Variants in INO80 observed in about 807,000 individuals in gnomAD.
The protein encoded by INO80 is INO80 complex ATPase subunit, also known as chromatin-remodeling ATPase INO80.
A neutral mutation model predicts 203.4 loss-of-function variants in INO80; 20 were observed. The ratio of observed to expected loss-of-function variants is 0.10; its 90% confidence interval spans 0.07 to 0.14. The LOEUF is 0.14. INO80 is among the 10% of genes least tolerant of loss of function. The probability of loss-of-function intolerance (pLI) is 1.00; values close to 1 mark genes in which losing one functional copy is unlikely to be tolerated. For missense variants in INO80, 1,419 were observed against 1,914.4 expected (o/e 0.74, Z 4.83); for synonymous variants, 726 against 685.2 (o/e 1.06, Z -0.93).
At chr15:41,021,405 T>C (rs1410959299) in intron 25 of INO80, among the ~76,000 whole-genome samples, 1 of 152,236 alleles carries the variant, frequency 6.6e-6, no homozygotes, top group Admixed American at 6.5e-5. Context: ...GCAATAACTC[T>C]ATTATATGCA....
chr15:41,055,897 T>C (rs773606978), intron 17 of INO80, among the ~76,000 whole-genome samples: 2 of 151,966 alleles, frequency 1.3e-5, no homozygotes, highest in Non-Finnish European at 2.9e-5. Context: ...CTCCAAACTC[T>C]ATAAAATATA....
chr15:41,023,235 A>G (rs763277061), intron 25 of INO80: 1 of 455,520 alleles, frequency 2.2e-6, no homozygotes, highest in Admixed American at 2.4e-5. Flanking sequence ...CAGGAATACA[A>G]AGCAGGTGGA....
chr15:41,108,997 T>C (rs1024118826), intron 1 of INO80: 1 of 162,058 alleles, frequency 6.2e-6, no homozygotes, highest in Non-Finnish European at 1.4e-5. Flanking sequence ...GTCAGGCTGT[T>C]GGATTCACTT....
At chr15:41,107,602 C>A (rs748255444) in intron 1 of INO80, among the ~76,000 whole-genome samples, 20 of 150,726 alleles carry the variant, frequency 1.3e-4, no homozygotes, top group Admixed American at 2.6e-4. Flanking sequence ...GAGTTCGAGG[C>A]CAGCCTGGCC....
chr15:41,073,394 CA>C, intron 11 of INO80, 33 bp downstream of exon 11: 1 of 1,570,804 alleles, frequency 6.4e-7, no homozygotes, highest in Non-Finnish European at 8.8e-7. Flanking sequence ...TTTCCAGGGC[CA>C]ATTACAGTAA....
rs778674958 is a variant in INO80, at chr15:41,093,212, G to A, written c.382-1030C>T. On this transcript the variant is annotated intron_variant, in intron 4 of 35. Coordinates refer to ENST00000648947, the MANE Select transcript of INO80 (RefSeq NM_017553.3). The stretch of plus-strand genomic sequence containing the variant: ...GAGGCTGAGGCGGGGGGATCACAAG[G>A]TCAGGAGTTTGAGAACAGCCTGGCT... 4.5e-4 allele frequency among the ~76,000 whole-genome samples: 69 copies of A among 151,684 alleles called. 2 individuals are homozygous for A. Among genetic ancestry groups the A allele is most frequent in the Non-Finnish European group, 1.5e-4 (10 of 67,882 alleles).
intron 24 of INO80, among the ~76,000 whole-genome samples, chr15:41,040,302 G>T (rs1167233537): frequency 6.6e-6 from 1 of 152,150 alleles, no homozygotes; most frequent in East Asian, 1.9e-4. Flanking sequence ...AAAGTCAGAG[G>T]ATCTGTGCAC....
chr15:41,024,912 G>A (rs1382606458), intron 25 of INO80, among the ~76,000 whole-genome samples: 1 of 152,176 alleles, frequency 6.6e-6, no homozygotes, highest in Non-Finnish European at 1.5e-5. Context: ...CTTATTCACT[G>A]ATCTGAATCC....
At chr15:41,097,042 T>C (rs777992786) in intron 1 of INO80, among the ~76,000 whole-genome samples, 11 of 122,544 alleles carry the variant, frequency 9.0e-5, no homozygotes, top group Non-Finnish European at 1.4e-4. Flanking sequence ...AGAGACACAA[T>C]CACACAATCA....
intron 1 of INO80, among the ~76,000 whole-genome samples, chr15:41,099,262 A>AC (rs2045770710): frequency 7.7e-6 from 1 of 129,632 alleles, no homozygotes; most frequent in African/African-American, 2.9e-5. Flanking sequence ...AAAAAAAAAA[A>AC]AAAAACAAAC....
intron 9 of INO80, among the ~76,000 whole-genome samples, chr15:41,079,169 G>A (rs929463290): frequency 6.6e-6 from 1 of 151,922 alleles, no homozygotes; most frequent in African/African-American, 2.4e-5. Flanking sequence ...CAGTACAGTA[G>A]GTGAAGGGTA....
chr15:41,048,346 T>A lies in INO80; in HGVS notation c.2577-70A>T, dbSNP rs2044804619. Reference sequence around the variant, plus strand: ...AATGGAAAGTTAACTAGACTAGAGGTTCCATAGCAAGTAAAACCTTTTAGT... The same window carrying A: ...AATGGAAAGTTAACTAGACTAGAGGATCCATAGCAAGTAAAACCTTTTAGT... On this transcript the variant is annotated intron_variant, in intron 21 of 35. Coordinates refer to ENST00000648947, the MANE Select transcript of INO80 (RefSeq NM_017553.3). 3 of 1,168,510 alleles carry A rather than the reference T, an allele frequency of 2.6e-6. No individual in the cohort carries two copies. In the East Asian group the frequency reaches 7.0e-5, roughly 27 times the overall value. 72.4% of individuals were successfully genotyped at this position (1,168,510 alleles called of 1,614,324 possible).
At chr15:41,073,321 GC>G in intron 11 of INO80, 106 bp downstream of exon 11, 1 of 941,596 alleles carries the variant, frequency 1.1e-6, no homozygotes, top group Non-Finnish European at 1.7e-6. Context: ...GCTAGTCTAT[GC>G]TTTTAATTGC....
At chr15:40,988,147 G>T (rs2043764995) in intron 29 of INO80, among the ~76,000 whole-genome samples, 173 bp from the exon 30 acceptor site, 1 of 152,128 alleles carries the variant, frequency 6.6e-6, no homozygotes, top group South Asian at 2.1e-4. Context: ...TCCTTCACAT[G>T]CCCTGAGCAA....
chr15:41,009,589 G>A (rs968475741), intron 27 of INO80, among the ~76,000 whole-genome samples: 17 of 151,746 alleles, frequency 1.1e-4, no homozygotes, highest in African/African-American at 3.9e-4. Flanking sequence ...TGACATATGC[G>A]TTTTGGTTTT....
chr15:41,049,689 C>T (rs758434961), intron 20 of INO80, among the ~76,000 whole-genome samples: 1 of 152,150 alleles, frequency 6.6e-6, no homozygotes, highest in South Asian at 2.1e-4. Flanking sequence ...AGTTTGAGAG[C>T]AGCCTGACCA....
intron 1 of INO80, among the ~76,000 whole-genome samples, chr15:41,105,221 G>C (rs1461457533): frequency 6.6e-6 from 1 of 152,098 alleles, no homozygotes; most frequent in Admixed American, 6.6e-5. Flanking sequence ...ATCAAACCAG[G>C]TGGTTGATAA....
chr15:41,044,772 G>T, intron 24 of INO80, 132 bp downstream of exon 24: 1 of 671,376 alleles, frequency 1.5e-6, no homozygotes, highest in Non-Finnish European at 2.5e-6. Flanking sequence ...AACTCAATAT[G>T]CTGCACCGCC....
In INO80 at chr15:41,079,815, G is replaced by A. The variant is rs199604682; in HGVS notation, c.1017C>T (p.Leu339=). The change falls in exon 9 of 36, where the codon CTC becomes CTT. Residue 339 remains leucine (L), a synonymous_variant. Coordinates refer to ENST00000648947, the MANE Select transcript of INO80 (RefSeq NM_017553.3). Reference sequence around the variant, plus strand: ...TCCAGTACAGAAGCATCTCCTTGGTGAGGCGGCGGGCACGAGGCAAGGTTT... The same window carrying A: ...TCCAGTACAGAAGCATCTCCTTGGTAAGGCGGCGGGCACGAGGCAAGGTTT... ...CKETLPRARR[L]TKEMLLYWKK... The A allele has an allele frequency of 1.9e-6, 3 of 1,614,116 alleles. No individual in the cohort carries two copies. The highest frequency in any genetic ancestry group is 1.3e-5 in the African/African-American group (1 of 75,028).
Sources: allele counts gnomAD v4.1 joint callset (sites outside exome capture counted in the v4.1 genomes callset), GRCh38; gene constraint gnomAD v4.1.1; transcripts MANE v1.5; gene names NCBI Gene and HGNC (gene_info 2026-07-23, HGNC 2026-07-21).